The following RNF168 variants were observed in gnomAD, a reference collection of about 807,000 sequenced individuals.
RNF168 encodes E3 ubiquitin-protein ligase RNF168.
RNF168 carries 34 observed loss-of-function variants against 34.9 expected under a neutral mutation model. The observed-to-expected ratio is 0.97, with a 90% CI of 0.74 to 1.30. The LOEUF is 1.30. Ranked by LOEUF, RNF168 falls within the 50% of genes most tolerant of loss-of-function variation. The pLI, the probability that RNF168 is intolerant of heterozygous loss-of-function variation, is 0.00. For missense variants in RNF168, 725 were observed against 682.5 expected (o/e 1.06, Z -0.69); for synonymous variants, 264 against 254.7 (o/e 1.04, Z -0.35).
At chr3:196,488,763 A>AG in intron 1 of RNF168, 80 bp from the exon 2 acceptor site, 6 of 806,030 alleles carry the variant, frequency 7.4e-6, no homozygotes, top group Non-Finnish European at 1.3e-5. Context: ...AAAACGAAAA[A>AG]TTAAAATATA....
rs1297527664 is a variant in RNF168 at position 196,503,337 on chromosome 3, A to G, written c.-164T>C. On this transcript the variant is annotated 5_prime_UTR_variant, in exon 1 of 6. Transcript: ENST00000318037. ...GAGCATCCAACACGTCTTGAAGCAAAAAGGCGCTCTCAGGGTCAGGCAAAC... is the reference window on the plus strand; with the variant it reads ...GAGCATCCAACACGTCTTGAAGCAAGAAGGCGCTCTCAGGGTCAGGCAAAC... 1.4e-6 allele frequency: 1 copy of G among 689,854 alleles called. No homozygotes were observed. The highest frequency in any genetic ancestry group is 2.7e-5 in the East Asian group (1 of 36,812). 42.7% of individuals were successfully genotyped at this position (689,854 alleles called of 1,614,324 possible).
At chr3:196,473,140 G>C (rs911871138) in intron 5 of RNF168, among the ~76,000 whole-genome samples, 2 of 152,060 alleles carry the variant, frequency 1.3e-5, no homozygotes, top group African/African-American at 4.8e-5. Flanking sequence ...CCACAGACTA[G>C]ATTCCAAATA....
chr3:196,497,006 C>T (rs1732758247), intron 1 of RNF168, among the ~76,000 whole-genome samples: 1 of 152,018 alleles, frequency 6.6e-6, no homozygotes, highest in Admixed American at 6.6e-5. Context: ...ATTAGCCAGG[C>T]ATGGTGGTAC....
chr3:196,475,837 ACT>A (rs1732133995), intron 4 of RNF168, among the ~76,000 whole-genome samples: 1 of 150,000 alleles, frequency 6.7e-6, no homozygotes, highest in African/African-American at 2.5e-5. Context: ...GGCGTGAGCC[ACT>A]GAGCCCGGCT....
chr3:196,477,453 G>A (rs1189703592), intron 4 of RNF168, among the ~76,000 whole-genome samples: 1 of 152,092 alleles, frequency 6.6e-6, no homozygotes, highest in African/African-American at 2.4e-5. Flanking sequence ...TTCCTTATGG[G>A]CAAACAAGAG....
intron 4 of RNF168, among the ~76,000 whole-genome samples, chr3:196,477,116 T>C (rs1025767860): frequency 1.3e-5 from 2 of 152,158 alleles, no homozygotes; most frequent in African/African-American, 2.4e-5. Flanking sequence ...ACGGTTTTAA[T>C]AGAATGGAAA....
chr3:196,497,246 A>AT (rs1288890440), intron 1 of RNF168, among the ~76,000 whole-genome samples: 1 of 152,160 alleles, frequency 6.6e-6, no homozygotes, highest in African/African-American at 2.4e-5. Context: ...GACCCACATT[A>AT]TTTTTTTTAA....
intron 1 of RNF168, among the ~76,000 whole-genome samples, chr3:196,495,245 ACGT>A (rs1341844803): frequency 6.6e-6 from 1 of 152,066 alleles, no homozygotes; most frequent in African/African-American, 2.4e-5. Context: ...CCAAATCCTT[ACGT>A]GTCCACCTCA....
At chr3:196,487,330 C>A in intron 3 of RNF168, 69 bp downstream of exon 3, 3 of 1,271,382 alleles carry the variant, frequency 2.4e-6, no homozygotes, top group South Asian at 2.4e-5. Flanking sequence ...TGACTCTTCC[C>A]ATGAGCGGGT....
chr3:196,481,827 T>A lies in RNF168; in HGVS notation c.680+1943A>T, dbSNP rs1024265727. Among the ~76,000 whole-genome samples, 8 of 151,920 alleles carry A rather than the reference T, an allele frequency of 5.3e-5. No individual in the cohort carries two copies. In the East Asian group the frequency reaches 7.7e-4, roughly 15 times the overall value. ...TGCCACTGCATTTGGCTAATTTTTT[T>A]ATTTTGTGTAGAGACAGGGTCTTAC... On this transcript the variant is annotated intron_variant, in intron 4 of 5. Coordinates refer to ENST00000318037, the MANE Select transcript of RNF168 (RefSeq NM_152617.4).
intron 1 of RNF168, among the ~76,000 whole-genome samples, chr3:196,494,673 T>C (rs984704539): frequency 6.6e-6 from 1 of 152,138 alleles, no homozygotes; most frequent in Admixed American, 6.6e-5. Context: ...AATAAGCATA[T>C]GATTTGTGAA....
At chr3:196,475,772 G>A (rs993829003) in intron 4 of RNF168, among the ~76,000 whole-genome samples, 80 of 151,434 alleles carry the variant, frequency 5.3e-4, no homozygotes, top group African/African-American at 1.9e-3. Flanking sequence ...GGATGGTCTC[G>A]ATCTCCTGAC....
At chr3:196,476,636 G>A (rs181876907) in intron 4 of RNF168, among the ~76,000 whole-genome samples, 34 of 151,648 alleles carry the variant, frequency 2.2e-4, no homozygotes, top group African/African-American at 8.0e-4. Flanking sequence ...GGCTGGTCTC[G>A]AAGTCCTGAC....
intron 2 of RNF168, among the ~76,000 whole-genome samples, chr3:196,487,828 C>A (rs1289246633): frequency 6.6e-6 from 1 of 152,042 alleles, no homozygotes; most frequent in South Asian, 2.1e-4. Flanking sequence ...AAATTATACA[C>A]AAAATTTTGA....
Position 196,472,016 on chromosome 3 carries a change from G to A in RNF168, c.1519C>T (p.His507Tyr). ...CTTGAGCCTCTCTCTGGTGTTGGAT[G>A]CTTTGTGTGAGTTTGCCTTTTGAAG... ...GNFKRQTHTK[H>Y]PTPERGSRDK... Residue 507 changes from histidine to tyrosine, a missense_variant, in exon 6 of 6, where the codon CAT becomes TAT. By Grantham distance (83) the His-to-Tyr change is moderately conservative. Coordinates refer to ENST00000318037, the MANE Select transcript of RNF168 (RefSeq NM_152617.4). 6.2e-7 allele frequency: 1 copy of A among 1,614,092 alleles called. No individual in the cohort carries two copies. The highest frequency in any genetic ancestry group is 8.5e-7 in the Non-Finnish European group (1 of 1,180,002).
Position 196,471,229 on chromosome 3 carries a change from A to AAAAAAC in RNF168, c.*589_*590insGTTTTT, listed in dbSNP as rs1731995826. ...AAAAAAAAAAAAAAAAAAAAAAAAA[A>AAAAAAC]TCTGGGATTTCCCACATATGAATAT... On this transcript the variant is annotated 3_prime_UTR_variant, in exon 6 of 6. Coordinates refer to ENST00000318037, the MANE Select transcript of RNF168 (RefSeq NM_152617.4). 1 of 142,268 alleles carries AAAAAAC rather than the reference A, an allele frequency of 7.0e-6. No homozygotes were observed. The highest frequency in any genetic ancestry group is 7.0e-5 in the Admixed American group (1 of 14,290). 8.8% of individuals were successfully genotyped at this position (142,268 alleles called of 1,614,324 possible). A position where few individuals can be genotyped will look rare whatever the true frequency, so the allele number is the denominator to read the frequency against.
Position 196,503,748 on chromosome 3 carries a change from C to T in RNF168, c.-575G>A, listed in dbSNP as rs1236601964. 2 of 159,842 alleles carry T rather than the reference C, an allele frequency of 1.3e-5. No individual in the cohort carries two copies. Among genetic ancestry groups the T allele is most frequent in the Non-Finnish European group, 2.8e-5 (2 of 72,270 alleles). 9.9% of individuals were successfully genotyped at this position (159,842 alleles called of 1,614,324 possible). A position where few individuals can be genotyped will look rare whatever the true frequency, so the allele number is the denominator to read the frequency against. On this transcript the variant is annotated 5_prime_UTR_variant, in exon 1 of 6. Coordinates refer to ENST00000318037, the MANE Select transcript of RNF168 (RefSeq NM_152617.4). ...CCAGAAACCCTATTCGTTGCGGCAG[C>T]GCAGCAGCCACCGGACAAGCGCTAG...
chr3:196,493,353 T>C (rs531457606), intron 1 of RNF168, among the ~76,000 whole-genome samples: 92 of 152,316 alleles, frequency 6.0e-4, no homozygotes, highest in African/African-American at 2.2e-3. Flanking sequence ...TTGTCTTCAT[T>C]TGCCTTTTTC....
intron 4 of RNF168, among the ~76,000 whole-genome samples, chr3:196,478,811 C>T (rs1402962539): frequency 6.7e-6 from 1 of 148,256 alleles, no homozygotes; most frequent in East Asian, 2.0e-4. Context: ...GGATTACAGG[C>T]ATGCACCACC....
Sources: allele counts gnomAD v4.1 joint callset (sites outside exome capture counted in the v4.1 genomes callset), GRCh38; gene constraint gnomAD v4.1.1; transcripts MANE v1.5; gene names NCBI Gene and HGNC (gene_info 2026-07-23, HGNC 2026-07-21).